Variants in NUMB observed in about 807,000 individuals in gnomAD.
NUMB encodes the protein protein numb homolog.
NUMB carries 29 observed loss-of-function variants against 59.7 expected under a neutral mutation model. That is an observed-to-expected ratio of 0.49 (90% CI 0.36 to 0.66). The LOEUF is 0.66. Ranked by LOEUF, NUMB falls within the 30% of genes least tolerant of loss-of-function variation. The pLI is 0.00. For synonymous variants in NUMB, 288 were observed against 288.2 expected (o/e 1.00, Z 0.01); for missense variants, 723 against 822.0 (o/e 0.88, Z 1.47).
intron 1 of NUMB, among the ~76,000 whole-genome samples, chr14:73,444,783 G>A (rs1012839510): frequency 6.6e-6 from 1 of 151,168 alleles, no homozygotes; most frequent in Non-Finnish European, 1.5e-5. Context: ...CTTGAACCCA[G>A]GAGGCGGAGG....
chr14:73,356,138 A>G (rs1893767592), intron 3 of NUMB, among the ~76,000 whole-genome samples: 1 of 152,204 alleles, frequency 6.6e-6, no homozygotes. Context: ...AATTCATTCC[A>G]ACCCCTGAAA....
At chr14:73,287,406 A>G in intron 8 of NUMB, 92 bp from the exon 9 acceptor site, 2 of 1,141,472 alleles carry the variant, frequency 1.8e-6, no homozygotes, top group Non-Finnish European at 1.2e-6. Context: ...TTTGAGACAG[A>G]GTCTTACTGT....
chr14:73,297,608 T>C lies in NUMB; in HGVS notation c.235-323A>G, dbSNP rs45444696. On this transcript the variant is annotated intron_variant, in intron 6 of 12. Transcript: ENST00000555238. ...AATTCATAACTAGATTCTTCACCCATTTAAAAAAATCAACCAAGAAAACCA... is the reference window on the plus strand; with the variant it reads ...AATTCATAACTAGATTCTTCACCCACTTAAAAAAATCAACCAAGAAAACCA... 3.0e-3 allele frequency: 581 copies of C among 192,582 alleles called. 2 individuals are homozygous for C. Among genetic ancestry groups the C allele is most frequent in the Non-Finnish European group, 5.0e-3 (469 of 94,372 alleles). The allele number at this position is 192,582 out of a possible 1,614,324, so 11.9% of individuals were successfully genotyped here.
chr14:73,335,380 T>C lies in NUMB; in HGVS notation c.127-12176A>G, dbSNP rs571723435. Among the ~76,000 whole-genome samples, 20 of 148,656 alleles carry C rather than the reference T, an allele frequency of 1.3e-4. No homozygotes were observed. The South Asian group carries it at 3.8e-3, about 28-fold the overall frequency. ...TCATTTATGAACTATTATAGAAACG[T>C]GGAAATAGAAATAAGCTTTGTGTCT... On this transcript the variant is annotated intron_variant, in intron 4 of 12. Coordinates refer to ENST00000555238, the MANE Select transcript of NUMB (RefSeq NM_001005743.2).
intron 9 of NUMB, 150 bp downstream of exon 9, chr14:73,286,960 C>A: frequency 1.4e-6 from 1 of 714,114 alleles, no homozygotes. Flanking sequence ...CTAAAGGAAG[C>A]GGTTTTTAAG....
chr14:73,439,808 CCTTT>C (rs1328032998), intron 1 of NUMB, among the ~76,000 whole-genome samples: 6 of 152,200 alleles, frequency 3.9e-5, no homozygotes, highest in East Asian at 1.9e-4. Context: ...ATCTTTTCTT[CCTTT>C]AAGTCACATG....
At chr14:73,322,240 T>C (rs1208825006) in intron 5 of NUMB, among the ~76,000 whole-genome samples, 1 of 152,242 alleles carries the variant, frequency 6.6e-6, no homozygotes, top group African/African-American at 2.4e-5. Flanking sequence ...TGAAAAGGGC[T>C]ATCAGATCTA....
intron 1 of NUMB, among the ~76,000 whole-genome samples, chr14:73,442,011 C>T (rs1318979102): frequency 6.6e-6 from 1 of 151,840 alleles, no homozygotes; most frequent in African/African-American, 2.4e-5. Context: ...AAAAGAGTTA[C>T]CATATAACCT....
Position 73,319,795 on chromosome 14 carries a change from A to G in NUMB, c.201+3335T>C, listed in dbSNP as rs61520414. Among the ~76,000 whole-genome samples the G allele has an allele frequency of 4.1e-3, 626 of 152,216 alleles. 4 individuals carry two copies. The highest frequency in any genetic ancestry group is 0.014 in the African/African-American group (598 of 41,546). On this transcript the variant is annotated intron_variant, in intron 5 of 12. Coordinates refer to ENST00000555238, the MANE Select transcript of NUMB (RefSeq NM_001005743.2). Reference sequence around the variant, plus strand: ...AAGAACAGTATCCTAAAGACTTCCGATTTTCTGCAAGATTCTCAGTATAGC... The same window carrying G: ...AAGAACAGTATCCTAAAGACTTCCGGTTTTCTGCAAGATTCTCAGTATAGC...
At chr14:73,454,988 C>G (rs893228297) in intron 1 of NUMB, among the ~76,000 whole-genome samples, 1 of 152,102 alleles carries the variant, frequency 6.6e-6, no homozygotes, top group Non-Finnish European at 1.5e-5. Flanking sequence ...AAAAGCTTTC[C>G]TTCTCGAAAC....
At chr14:73,290,070 G>C (rs1889292164) in intron 8 of NUMB, among the ~76,000 whole-genome samples, 3 of 152,172 alleles carry the variant, frequency 2.0e-5, no homozygotes, top group Non-Finnish European at 2.9e-5. Flanking sequence ...TGATACAGTA[G>C]AACTATTGGC....
rs775779812 is a variant in NUMB at position 73,398,927 on chromosome 14, G to C, written c.-101+11010C>G. Among the ~76,000 whole-genome samples the C allele has an allele frequency of 6.0e-4, 92 of 152,250 alleles. 1 individual carries two copies. The Middle Eastern group carries it at 0.01, about 17-fold the overall frequency. On this transcript the variant is annotated intron_variant, in intron 2 of 12. Transcript: ENST00000555238. ...CTTTGCACATATCAATAGGATATAT[G>C]CATAAGGATGTACACAGCAGCACTA...
intron 6 of NUMB, among the ~76,000 whole-genome samples, chr14:73,313,632 A>C (rs2139894917): frequency 6.8e-6 from 1 of 147,864 alleles, no homozygotes; most frequent in African/African-American, 2.5e-5. Flanking sequence ...TATCCCCAAA[A>C]TATCTCATTA....
intron 6 of NUMB, among the ~76,000 whole-genome samples, chr14:73,312,777 G>T (rs1219790187): frequency 3.3e-5 from 5 of 150,550 alleles, no homozygotes. Context: ...CCCACTTCCT[G>T]GCCCCTCAAC....
intron 1 of NUMB, among the ~76,000 whole-genome samples, chr14:73,442,679 T>C (rs1883148907): frequency 6.6e-6 from 1 of 152,210 alleles, no homozygotes; most frequent in South Asian, 2.1e-4. Context: ...TACTACATGA[T>C]GCTATTTATA....
chr14:73,325,248 A>T (rs995397129), intron 4 of NUMB, among the ~76,000 whole-genome samples: 2 of 152,180 alleles, frequency 1.3e-5, no homozygotes, highest in Non-Finnish European at 2.9e-5. Context: ...TAAGAAGATC[A>T]TCTGAGGCCT....
chr14:73,313,486 TTTAA>T (rs978255376), intron 6 of NUMB, among the ~76,000 whole-genome samples: 3 of 150,752 alleles, frequency 2.0e-5, no homozygotes, highest in Non-Finnish European at 3.0e-5. Context: ...CACAAAATTA[TTTAA>T]TTATACAATA....
Position 73,386,864 on chromosome 14 carries a change from CTTATTTTTTTTT to C in NUMB, c.-100-19895_-100-19884del, listed in dbSNP as rs1180850408. Among the ~76,000 whole-genome samples, 534 of 73,798 alleles carry C rather than the reference CTTATTTTTTTTT, an allele frequency of 7.2e-3. 8 individuals are homozygous for C. The highest frequency in any genetic ancestry group is 0.025 in the African/African-American group (446 of 18,178). 48.4% of individuals were successfully genotyped at this position (73,798 alleles called of 152,430 possible). ...TAATACAAGACAATCTATCAGGTGT[CTTATTTTTTTTT>C]TTTTTTTTTTTTTTTTTTTTTTGAG... On this transcript the variant is annotated intron_variant, in intron 2 of 12. Transcript: ENST00000555238.
At chr14:73,326,850 G>C (rs960287483) in intron 4 of NUMB, among the ~76,000 whole-genome samples, 1 of 152,154 alleles carries the variant, frequency 6.6e-6, no homozygotes, top group Non-Finnish European at 1.5e-5. Flanking sequence ...AGAAAGGTAT[G>C]TTTGATCACT....
Sources: allele counts gnomAD v4.1 joint callset (sites outside exome capture counted in the v4.1 genomes callset), GRCh38; gene constraint gnomAD v4.1.1; transcripts MANE v1.5; gene names NCBI Gene and HGNC (gene_info 2026-07-23, HGNC 2026-07-21).